HLTF: variants seen among roughly 807,000 people sequenced by gnomAD.
HLTF encodes the protein helicase like transcription factor, also known as DNA-dependent ATPase/E3 ubiquitin-protein ligase HLTF.
HLTF carries 127 observed loss-of-function variants against 129.4 expected under a neutral mutation model. That is an observed-to-expected ratio of 0.98 (90% CI 0.85 to 1.14). The LOEUF is 1.14. HLTF is among the 50% of genes most tolerant of loss of function. The probability of loss-of-function intolerance (pLI) is 0.00; values close to 1 mark genes in which losing one functional copy is unlikely to be tolerated. For synonymous variants in HLTF, 332 were observed against 388.8 expected (o/e 0.85, Z 1.72); for missense variants, 1,139 against 1,187.1 (o/e 0.96, Z 0.60).
At chr3:149,059,004 G>A (rs574910496) in intron 13 of HLTF, among the ~76,000 whole-genome samples, 138 of 152,148 alleles carry the variant, frequency 9.1e-4, no homozygotes, top group Non-Finnish European at 1.7e-3. Context: ...ACCAAAAGTC[G>A]GCTCTTTCTC....
At chr3:149,075,752 T>C (rs1196656764) in intron 3 of HLTF, 129 bp downstream of exon 3, 1 of 508,254 alleles carries the variant, frequency 2.0e-6, no homozygotes, top group Admixed American at 3.7e-5. Context: ...AACATTTATT[T>C]AACACGTACC....
chr3:149,081,206 A>G (rs994426223), intron 2 of HLTF, among the ~76,000 whole-genome samples: 1 of 152,026 alleles, frequency 6.6e-6, no homozygotes, highest in Admixed American at 6.5e-5. Context: ...CCACATTATA[A>G]AATAAAGCCT....
intron 14 of HLTF, among the ~76,000 whole-genome samples, chr3:149,051,524 T>C (rs1246434575): frequency 6.6e-6 from 1 of 152,214 alleles, no homozygotes; most frequent in Non-Finnish European, 1.5e-5. Flanking sequence ...AGGAGAAGAC[T>C]TGTTTTTATT....
At chr3:149,049,355 T>C (rs969062781) in intron 15 of HLTF, among the ~76,000 whole-genome samples, 4 of 152,346 alleles carry the variant, frequency 2.6e-5, no homozygotes, top group East Asian at 1.9e-4. Context: ...AGCAATGATA[T>C]AGAAAATGGC....
intron 24 of HLTF, among the ~76,000 whole-genome samples, chr3:149,032,638 C>T (rs570690510): frequency 3.3e-4 from 50 of 152,032 alleles, no homozygotes; most frequent in Non-Finnish European, 6.6e-4. Context: ...ATATAGGCAA[C>T]TCTGGCAAAA....
At chr3:149,050,448 A>C in intron 14 of HLTF, 73 bp from the exon 15 acceptor site, 1 of 1,013,612 alleles carries the variant, frequency 9.9e-7, no homozygotes. Context: ...TAAAAAAGTA[A>C]CTGCCCTGGC....
chr3:149,044,167 C>T (rs540645645), intron 18 of HLTF, among the ~76,000 whole-genome samples: 1 of 152,206 alleles, frequency 6.6e-6, no homozygotes, highest in African/African-American at 2.4e-5. Context: ...GATAATTATA[C>T]TGACCTAATA....
chr3:149,055,717 T>C (rs1163027148), intron 13 of HLTF, among the ~76,000 whole-genome samples: 1 of 152,238 alleles, frequency 6.6e-6, no homozygotes, highest in Non-Finnish European at 1.5e-5. Flanking sequence ...TTGTGTTATA[T>C]TTAATTTGGT....
intron 23 of HLTF, among the ~76,000 whole-genome samples, chr3:149,038,790 G>A (rs567190950): frequency 2.2e-4 from 34 of 152,240 alleles, no homozygotes; most frequent in African/African-American, 8.2e-4. Context: ...TGGGATTACA[G>A]GCATGTGCCA....
chr3:149,082,977 C>T (rs1464635607), intron 2 of HLTF, among the ~76,000 whole-genome samples: 5 of 152,116 alleles, frequency 3.3e-5, no homozygotes, highest in Admixed American at 6.5e-5. Flanking sequence ...CGTGGCTGGG[C>T]GCGGTGGCTC....
Position 149,048,030 on chromosome 3 carries a change from A to C in HLTF, c.1890T>G (p.Leu630=), listed in dbSNP as rs376263937. 16 of 1,598,282 alleles carry C rather than the reference A, an allele frequency of 1.0e-5. No individual in the cohort carries two copies. The highest frequency in any genetic ancestry group is 1.4e-5 in the Non-Finnish European group (16 of 1,174,580). Residue 630 remains leucine (L), a splice_region_variant and synonymous_variant, in exon 17 of 25, where the codon CTT becomes CTG. Transcript: ENST00000310053. ...AATCACTGTCTGAAAGTACTTACCT[A>C]AGTCCTCCTTCATCTCCCATTGTGA... The part of the protein sequence containing the change: ...RPVTMGDEGG[L]RRLQSLIKNI...
rs1553746063 is a variant in HLTF at position 149,086,479 on chromosome 3, G to GT, written c.-144dup. 8 of 877,590 alleles carry GT rather than the reference G, an allele frequency of 9.1e-6. No homozygotes were observed. The highest frequency in any genetic ancestry group is 1.2e-5 in the Non-Finnish European group (7 of 564,996). The allele number at this position is 877,590 out of a possible 1,614,324, so 54.4% of individuals were successfully genotyped here. On this transcript the variant is annotated 5_prime_UTR_variant, in exon 1 of 25. Coordinates refer to ENST00000310053, the MANE Select transcript of HLTF (RefSeq NM_003071.4). The stretch of plus-strand genomic sequence containing the variant: ...CGGATCAGGAGCGCACGACTGAAAG[G>GT]TAAGTCGCCGCGAGTCCAGTCAGAC...
chr3:149,039,505 T>C, intron 22 of HLTF, 76 bp downstream of exon 22: 1 of 725,176 alleles, frequency 1.4e-6, no homozygotes, highest in Non-Finnish European at 2.1e-6. Context: ...CAAATTAAGT[T>C]TTTTTTTTTG....
chr3:149,042,029 G>C, intron 19 of HLTF, 137 bp downstream of exon 19: 1 of 723,780 alleles, frequency 1.4e-6, no homozygotes, highest in Non-Finnish European at 2.4e-6. Flanking sequence ...TGTATTCCTA[G>C]CTGAGTCTCA....
intron 7 of HLTF, 68 bp downstream of exon 7, chr3:149,071,184 C>A: frequency 9.6e-7 from 1 of 1,036,980 alleles, no homozygotes. Flanking sequence ...CTTTTTACTT[C>A]AAAATTACTT....
rs1423355605 is a variant in HLTF, at chr3:149,030,885, G to A, written c.*1335C>T. On this transcript the variant is annotated 3_prime_UTR_variant, in exon 25 of 25. Transcript: ENST00000310053. Reference sequence around the variant, plus strand: ...GAGAGATTTGGCATATACCTTCAATGTGTGCCCTATAACACAACATTGTCT... The same window carrying A: ...GAGAGATTTGGCATATACCTTCAATATGTGCCCTATAACACAACATTGTCT... 6.6e-6 allele frequency: 1 copy of A among 152,196 alleles called. No individual in the cohort carries two copies. The highest frequency in any genetic ancestry group is 1.5e-5 in the Non-Finnish European group (1 of 68,036). 9.4% of individuals were successfully genotyped at this position (152,196 alleles called of 1,614,324 possible).
intron 14 of HLTF, among the ~76,000 whole-genome samples, chr3:149,054,271 G>A (rs1717239256): frequency 6.6e-6 from 1 of 152,120 alleles, no homozygotes; most frequent in Non-Finnish European, 1.5e-5. Flanking sequence ...AAGGAAAGCA[G>A]AAGAGTAGCA....
rs368896251 is a variant in HLTF at position 149,051,970 on chromosome 3, A to C, written c.1474-1595T>G. ...GGAGTTCGAGACCAGCCTGATCAAC[A>C]TGGTGAAACCCCATCTCTACTAAAA... On this transcript the variant is annotated intron_variant, in intron 14 of 24. Coordinates refer to ENST00000310053, the MANE Select transcript of HLTF (RefSeq NM_003071.4). 2.6e-5 allele frequency: 4 copies of C among 152,278 alleles called. 1 individual carries two copies. Among genetic ancestry groups the C allele is most frequent in the Admixed American group, 6.5e-5 (1 of 15,280 alleles). 9.4% of individuals were successfully genotyped at this position (152,278 alleles called of 1,614,324 possible). A position where few individuals can be genotyped will look rare whatever the true frequency, so the allele number is the denominator to read the frequency against.
rs1286188457 is a variant in HLTF, at chr3:149,073,278, C to A, written c.574G>T (p.Gly192Ter). The A allele has an allele frequency of 6.2e-7, 1 of 1,613,168 alleles. No individual in the cohort carries two copies. Among genetic ancestry groups the A allele is most frequent in the Non-Finnish European group, 8.5e-7 (1 of 1,179,490 alleles). ...LESGWGSGRA[G>*]PSYSMPVHAA... ...TGCACTGGCATACTATAGCTTGGTC[C>A]AGCTCTTCCAGAGCCCCAACCACTT... The change falls in exon 5 of 25, where the codon GGA (glycine) becomes TGA (stop). Residue 192 changes from glycine (G) to a stop codon, truncating the protein, a stop_gained. Coordinates refer to ENST00000310053, the MANE Select transcript of HLTF (RefSeq NM_003071.4). LOFTEE classifies it high-confidence loss of function.
Sources: gnomAD v4.1 joint callset for allele counts (sites outside exome capture counted in the v4.1 genomes callset) on GRCh38, gnomAD v4.1.1 for gene constraint, MANE v1.5 for transcripts, NCBI Gene and HGNC (gene_info 2026-07-23, HGNC 2026-07-21) for gene names.